The following ACSM5 variants were observed in gnomAD, a reference collection of about 807,000 sequenced individuals.
ACSM5 encodes acyl-coenzyme A synthetase ACSM5, mitochondrial.
A neutral mutation model predicts 71.6 loss-of-function variants in ACSM5; 56 were observed. The ratio of observed to expected loss-of-function variants is 0.78; its 90% CI spans 0.63 to 0.98. The LOEUF is 0.98. Among genes scored for constraint, ACSM5 ranks in the 50% least tolerant of loss-of-function variants. The pLI is 0.00. For missense variants in ACSM5, 723 were observed against 726.0 expected, an observed-to-expected ratio of 1.00 and a Z score of 0.05; for synonymous variants, 285 against 281.5, an observed-to-expected ratio of 1.01 and a Z score of -0.12.
intron 2 of ACSM5, among the ~76,000 whole-genome samples, chr16:20,415,460 G>C (rs536350862): frequency 6.6e-6 from 1 of 152,310 alleles, no homozygotes; most frequent in South Asian, 2.1e-4. Context: ...CTTCCCTAAT[G>C]GGGTGAATCA....
intron 13 of ACSM5, 52 bp downstream of exon 13, chr16:20,439,971 C>A: frequency 6.2e-7 from 1 of 1,605,896 alleles, no homozygotes; most frequent in East Asian, 2.2e-5. Flanking sequence ...GATGGGCACG[C>A]TCTGCCTGGG....
At chr16:20,425,652 T>C (rs1966965179) in intron 6 of ACSM5, among the ~76,000 whole-genome samples, 1 of 152,122 alleles carries the variant, frequency 6.6e-6, no homozygotes. Context: ...ATAGCTTAGC[T>C]CCCACTTATG....
At chr16:20,430,537 G>A in intron 8 of ACSM5, among the ~76,000 whole-genome samples, 1 of 151,882 alleles carries the variant, frequency 6.6e-6, no homozygotes, top group African/African-American at 2.4e-5. Flanking sequence ...AAGAAAGAGG[G>A]AAGAAAATAG....
intron 2 of ACSM5, among the ~76,000 whole-genome samples, chr16:20,414,412 C>T (rs113156801): frequency 0.044 from 6,716 of 152,190 alleles, 154 homozygotes; most frequent in South Asian, 0.058. Flanking sequence ...TGTGGGGCCA[C>T]GATCCAAGGA....
At chr16:20,415,553 A>G (rs1949690084) in intron 2 of ACSM5, among the ~76,000 whole-genome samples, 2 of 152,196 alleles carry the variant, frequency 1.3e-5, no homozygotes, top group South Asian at 4.1e-4. Flanking sequence ...GGACAGAGAG[A>G]GGAAAATATA....
chr16:20,423,611 A>C (rs1332410108), intron 5 of ACSM5, among the ~76,000 whole-genome samples: 1 of 152,216 alleles, frequency 6.6e-6, no homozygotes, highest in Non-Finnish European at 1.5e-5. Flanking sequence ...ATGCTAAATA[A>C]ATGTTGGCTA....
chr16:20,424,930 C>T (rs536563490), intron 6 of ACSM5, among the ~76,000 whole-genome samples: 9 of 152,316 alleles, frequency 5.9e-5, no homozygotes, highest in Non-Finnish European at 8.8e-5. Flanking sequence ...GCATGCAATG[C>T]GTGAAAATCA....
Position 20,418,071 on chromosome 16 carries a change from C to A in ACSM5, c.217C>A (p.Pro73Thr). 3.1e-6 allele frequency: 5 copies of A among 1,613,716 alleles called. No individual in the cohort carries two copies. Among genetic ancestry groups the A allele is most frequent in the Non-Finnish European group, 4.2e-6 (5 of 1,179,914 alleles). Residue 73 changes from proline to threonine, a missense_variant, in exon 3 of 14, where the codon CCC (proline) becomes ACC (threonine). Physicochemically the swap from Pro to Thr is conservative, Grantham distance 38. Transcript: ENST00000331849. ...TACCACCATCTAGGCTGGACACCGCCCCCCAAATCCTGCCTTCTGGTGGGT... is the reference window on the plus strand; with the variant it reads ...TACCACCATCTAGGCTGGACACCGCACCCCAAATCCTGCCTTCTGGTGGGT... ...WSRLEEAGHR[P>T]PNPAFWWVNG... is the part of the protein sequence containing the mutation.
intron 2 of ACSM5, among the ~76,000 whole-genome samples, chr16:20,415,550 G>T (rs1004756164): frequency 6.6e-6 from 1 of 152,224 alleles, no homozygotes; most frequent in Non-Finnish European, 1.5e-5. Flanking sequence ...ACTGGACAGA[G>T]AGAGGAAAAT....
rs1281626960 is a variant in ACSM5 at position 20,427,329 on chromosome 16, CCT to C, written c.922-457_922-456del. 3.9e-5 allele frequency among the ~76,000 whole-genome samples: 6 copies of C among 152,162 alleles called. No individual in the cohort carries two copies. The East Asian group carries it at 1.2e-3, about 29-fold the overall frequency. On this transcript the variant is annotated intron_variant, in intron 6 of 13. Coordinates refer to ENST00000331849, the MANE Select transcript of ACSM5 (RefSeq NM_017888.3). ...AACCAAACAAAAAACAAAACAAAAA[CCT>C]CACTGGTGGTTTTTAGTAGACTTCA... is the stretch of plus-strand genomic sequence containing the variant.
intron 2 of ACSM5, among the ~76,000 whole-genome samples, chr16:20,412,828 T>C (rs897882176): frequency 1.3e-5 from 2 of 152,244 alleles, no homozygotes; most frequent in Admixed American, 6.5e-5. Flanking sequence ...ATTGTATTCA[T>C]GTTAATTATA....
chr16:20,419,248 G>A lies in ACSM5; in HGVS notation c.436G>A (p.Val146Met), dbSNP rs1966866714. The A allele has an allele frequency of 6.2e-7, 1 of 1,614,132 alleles. No individual in the cohort carries two copies. Among genetic ancestry groups the A allele is most frequent in the Middle Eastern group, 1.6e-4 (1 of 6,062 alleles). Residue 146 changes from valine to methionine, a missense_variant, in exon 4 of 14, where the codon GTG becomes ATG. Val to Met is a conservative substitution (Grantham distance 21). Transcript: ENST00000331849. ...GCCAGGGACTGTGATGATTCCGGGT[G>A]TGACTCAGCTGACAGAGAAGGACCT... ...MRTGTVMIPG[V>M]TQLTEKDLKY...
chr16:20,436,273 C>T (rs1403528684), intron 10 of ACSM5, among the ~76,000 whole-genome samples: 3 of 147,568 alleles, frequency 2.0e-5, no homozygotes, highest in Admixed American at 6.8e-5. Flanking sequence ...GTCCCCTCCC[C>T]TCCCCTTCCT....
At chr16:20,439,978 T>A in intron 13 of ACSM5, 59 bp downstream of exon 13, 1 of 1,602,196 alleles carries the variant, frequency 6.2e-7, no homozygotes, top group East Asian at 2.2e-5. Flanking sequence ...ACGCTCTGCC[T>A]GGGCTCCCAC....
At chr16:20,420,525 G>A (rs1295283042) in intron 4 of ACSM5, among the ~76,000 whole-genome samples, 3 of 152,142 alleles carry the variant, frequency 2.0e-5, no homozygotes, top group East Asian at 1.9e-4. Flanking sequence ...ACTTGAACCC[G>A]GGAGGCAGAG....
intron 2 of ACSM5, among the ~76,000 whole-genome samples, chr16:20,414,067 G>T (rs1025993528): frequency 1.4e-4 from 21 of 152,078 alleles, no homozygotes; most frequent in Non-Finnish European, 3.1e-4. Context: ...GGGTGGATCT[G>T]ATTTCCTGAG....
Position 20,430,993 on chromosome 16 carries a change from G to A in ACSM5, c.1126G>A (p.Val376Ile), listed in dbSNP as rs1299503631. 1.9e-6 allele frequency: 3 copies of A among 1,612,296 alleles called. No homozygotes were observed. The highest frequency in any genetic ancestry group is 1.7e-5 in the Admixed American group (1 of 59,840). Residue 376 changes from valine to isoleucine, a missense_variant and splice_region_variant, in exon 9 of 14, where the codon GTT becomes ATT. Physicochemically the swap from Val to Ile is conservative, Grantham distance 29. Coordinates refer to ENST00000331849, the MANE Select transcript of ACSM5 (RefSeq NM_017888.3). The stretch of plus-strand genomic sequence containing the variant: ...TTTATCTGTACTGCGTTCTCCCCAG[G>A]TTGTCATCTGTGCCAATCCAAAAGG... ...LYEGYGQSET[V>I]VICANPKGMK... is the part of the protein sequence containing the mutation.
chr16:20,427,722 G>A (rs1012815808), intron 6 of ACSM5, 66 bp from the exon 7 acceptor site: 1 of 1,053,444 alleles, frequency 9.5e-7, no homozygotes, highest in African/African-American at 1.6e-5. Context: ...AGATGCATTT[G>A]GCTCCATCTT....
chr16:20,439,646 T>C (rs1967274522), intron 12 of ACSM5, among the ~76,000 whole-genome samples, 154 bp from the exon 13 acceptor site: 1 of 151,124 alleles, frequency 6.6e-6, no homozygotes. Context: ...AAAAGAAAAA[T>C]TGATGTTGTT....
Sources: allele counts gnomAD v4.1 joint callset (sites outside exome capture counted in the v4.1 genomes callset), GRCh38; gene constraint gnomAD v4.1.1; transcripts MANE v1.5; gene names NCBI Gene and HGNC (gene_info 2026-07-23, HGNC 2026-07-21).